Variants in GLRA3 observed in about 807,000 individuals in gnomAD.
GLRA3 encodes glycine receptor alpha 3.
Under a neutral mutation model 60.4 loss-of-function variants are expected in GLRA3, and 44 were observed. The observed-to-expected ratio is 0.73, with a 90% CI of 0.57 to 0.94. The LOEUF (loss-of-function observed/expected upper bound fraction) is 0.94. Ranked by LOEUF, GLRA3 falls within the 40% of genes least tolerant of loss-of-function variation. The probability of loss-of-function intolerance (pLI) is 0.00; values close to 1 mark genes in which losing one functional copy is unlikely to be tolerated. For synonymous variants in GLRA3, 223 were observed against 192.9 expected (o/e 1.16, Z -1.29); for missense variants, 508 against 564.6 (o/e 0.90, Z 1.02).
At chr4:174,661,754 GCTCAGCTATGGCCCTA>G (rs1733451205) in intron 7 of GLRA3, among the ~76,000 whole-genome samples, 1 of 152,118 alleles carries the variant, frequency 6.6e-6, no homozygotes, top group Non-Finnish European at 1.5e-5. Context: ...TCTGACACCT[GCTCAGCTATGGCCCTA>G]CAGGTCTCAC....
chr4:174,804,962 G>C (rs958297099), intron 1 of GLRA3, among the ~76,000 whole-genome samples: 4 of 152,110 alleles, frequency 2.6e-5, no homozygotes, highest in African/African-American at 9.7e-5. Context: ...TGTACACGTA[G>C]CGACAAAGAA....
intron 1 of GLRA3, among the ~76,000 whole-genome samples, chr4:174,795,458 T>C (rs1242252338): frequency 6.6e-6 from 1 of 152,140 alleles, no homozygotes; most frequent in Non-Finnish European, 1.5e-5. Context: ...AAATATAATT[T>C]GATAAATGTA....
chr4:174,675,171 G>T (rs919801464), intron 7 of GLRA3, among the ~76,000 whole-genome samples: 3 of 152,174 alleles, frequency 2.0e-5, no homozygotes, highest in South Asian at 4.1e-4. Flanking sequence ...AGATGTCATT[G>T]TCTCTATGAT....
intron 4 of GLRA3, among the ~76,000 whole-genome samples, chr4:174,720,588 A>T (rs1579503463): frequency 6.6e-6 from 1 of 151,984 alleles, no homozygotes; most frequent in Non-Finnish European, 1.5e-5. Context: ...GTGCTCCTAT[A>T]CCTCCTCTAG....
intron 1 of GLRA3, among the ~76,000 whole-genome samples, chr4:174,809,092 C>T (rs970553302): frequency 3.9e-5 from 6 of 152,158 alleles, no homozygotes; most frequent in African/African-American, 7.2e-5. Context: ...CGCCATTCAT[C>T]GTAAGTGCTC....
chr4:174,800,922 C>A, intron 1 of GLRA3, among the ~76,000 whole-genome samples: 1 of 110,180 alleles, frequency 9.1e-6, no homozygotes, highest in East Asian at 2.2e-4. Context: ...TCTGTTTTTT[C>A]TCTCAGTACA....
intron 1 of GLRA3, among the ~76,000 whole-genome samples, chr4:174,812,851 C>A (rs1474028531): frequency 6.6e-6 from 1 of 152,038 alleles, no homozygotes; most frequent in Non-Finnish European, 1.5e-5. Context: ...TTTTTTCCTA[C>A]CTTTCTTCTA....
intron 3 of GLRA3, among the ~76,000 whole-genome samples, chr4:174,760,223 C>G (rs35050801): frequency 1.3e-5 from 2 of 152,132 alleles, no homozygotes; most frequent in Non-Finnish European, 2.9e-5. Flanking sequence ...TGCTTAACCT[C>G]ACTGTTTATC....
At chr4:174,809,536 C>G (rs932412103) in intron 1 of GLRA3, among the ~76,000 whole-genome samples, 5 of 152,042 alleles carry the variant, frequency 3.3e-5, no homozygotes, top group African/African-American at 1.2e-4. Flanking sequence ...AGTTTGAGAC[C>G]AGCCTGGACA....
intron 6 of GLRA3, among the ~76,000 whole-genome samples, chr4:174,682,205 C>T (rs752877812): frequency 3.9e-5 from 6 of 152,152 alleles, no homozygotes; most frequent in East Asian, 1.9e-4. Context: ...AGTTAGAATA[C>T]GTCTTATGGA....
chr4:174,749,965 T>A (rs1737402077), intron 3 of GLRA3, among the ~76,000 whole-genome samples: 1 of 152,010 alleles, frequency 6.6e-6, no homozygotes, highest in Admixed American at 6.6e-5. Context: ...AATCTAAGGC[T>A]CTTGTGTTAG....
At position 174,643,898 on chromosome 4, in the gene GLRA3, ATCT is replaced by A; in HGVS notation, c.1280_1282del (p.Lys427del). On this transcript the variant is annotated inframe_deletion, in exon 10 of 10. Coordinates refer to ENST00000274093, the MANE Select transcript of GLRA3 (RefSeq NM_006529.4). ...GAAGCAGGCTCGGGAGATGGTATCA[ATCT>A]TCTTGGCCCGGTCGATAAAGACCTT... The A allele has an allele frequency of 1.2e-6, 2 of 1,614,152 alleles. No homozygotes were observed. The highest frequency in any genetic ancestry group is 1.7e-6 in the Non-Finnish European group (2 of 1,180,008).
At chr4:174,815,006 G>T (rs1027486132) in intron 1 of GLRA3, among the ~76,000 whole-genome samples, 1 of 152,266 alleles carries the variant, frequency 6.6e-6, no homozygotes. Flanking sequence ...TGTCCCTTCT[G>T]CCCAGGAGCC....
intron 5 of GLRA3, among the ~76,000 whole-genome samples, chr4:174,709,604 T>C (rs759352593): frequency 1.6e-4 from 25 of 152,072 alleles, no homozygotes; most frequent in Admixed American, 1.4e-3. Context: ...GAATTAAGTA[T>C]GTTCTAGATC....
intron 2 of GLRA3, among the ~76,000 whole-genome samples, chr4:174,774,315 G>A (rs1337788117): frequency 1.3e-5 from 2 of 152,026 alleles, no homozygotes; most frequent in East Asian, 3.9e-4. Flanking sequence ...GTTTTCAATA[G>A]ATACAGAAGT....
intron 1 of GLRA3, among the ~76,000 whole-genome samples, chr4:174,799,311 C>T (rs186768585): frequency 5.0e-4 from 76 of 152,236 alleles, no homozygotes; most frequent in African/African-American, 1.1e-3. Context: ...CCAAAGCTTC[C>T]GCTTAAAGCA....
At chr4:174,809,869 G>T (rs1740193404) in intron 1 of GLRA3, among the ~76,000 whole-genome samples, 1 of 152,056 alleles carries the variant, frequency 6.6e-6, no homozygotes, top group African/African-American at 2.4e-5. Context: ...TAATCCATAT[G>T]CAAATTTTAC....
chr4:174,764,505 A>G (rs953641297), intron 3 of GLRA3, among the ~76,000 whole-genome samples: 1 of 151,774 alleles, frequency 6.6e-6, no homozygotes, highest in Non-Finnish European at 1.5e-5. Context: ...AGTTGAATTC[A>G]ATTATTCGTA....
rs1732620905 is a variant in GLRA3 at position 174,641,555 on chromosome 4, C to A, written c.*2231G>T. ...AACTATGCCTAAGGAAAGTGTAATA[C>A]TTTTGAGATAGATTTCTAATGTACC... On this transcript the variant is annotated 3_prime_UTR_variant, in exon 10 of 10. Transcript: ENST00000274093. 1 of 152,006 alleles carries A rather than the reference C, an allele frequency of 6.6e-6. No individual in the cohort carries two copies. The highest frequency in any genetic ancestry group is 2.4e-5 in the African/African-American group (1 of 41,430). 9.4% of individuals were successfully genotyped at this position (152,006 alleles called of 1,614,324 possible).
Sources: allele counts gnomAD v4.1 joint callset (sites outside exome capture counted in the v4.1 genomes callset), GRCh38; gene constraint gnomAD v4.1.1; transcripts MANE v1.5; gene names NCBI Gene and HGNC (gene_info 2026-07-23, HGNC 2026-07-21).